The following OR12D3 variants were observed in gnomAD, a reference collection of about 807,000 sequenced individuals.
OR12D3 encodes olfactory receptor 12D3.
For synonymous variants in OR12D3, 142 were observed against 138.8 expected, an observed-to-expected ratio of 1.02 and a Z score of -0.16; for missense variants, 333 against 386.4, an observed-to-expected ratio of 0.86 and a Z score of 1.16.
At position 29,374,765 on chromosome 6, in the gene OR12D3, A is replaced by T. The variant is rs183625914; in HGVS notation, c.523T>A (p.Phe175Ile). ...SFCGSQKLNH[F>I]FYDVKPLLEL... ...AAGAGCGGCTTGACATCGTAGAAGAAGTGATTGAGTTTCTGAGAGCCACAA... is the reference window on the plus strand; with the variant it reads ...AAGAGCGGCTTGACATCGTAGAAGATGTGATTGAGTTTCTGAGAGCCACAA... Residue 175 changes from phenylalanine (F) to isoleucine (I), a missense_variant, in exon 1 of 1, where the codon TTC (phenylalanine) becomes ATC (isoleucine). Physicochemically the swap from Phe to Ile is conservative, Grantham distance 21. Coordinates refer to ENST00000396806, the MANE Select transcript of OR12D3 (RefSeq NM_030959.3). 9 of 1,613,270 alleles carry T rather than the reference A, an allele frequency of 5.6e-6. No homozygotes were observed. Among genetic ancestry groups the T allele is most frequent in the Non-Finnish European group, 7.6e-6 (9 of 1,180,030 alleles).
chr6:29,374,584 T>C lies in OR12D3; in HGVS notation c.704A>G (p.Lys235Arg). 6.2e-7 allele frequency: 1 copy of C among 1,613,014 alleles called. No homozygotes were observed. The highest frequency in any genetic ancestry group is 8.5e-7 in the Non-Finnish European group (1 of 1,180,024). ...FKNRSCRILH[K>R]ALSTCASHFM... ...ATGGGAGGCACAAGTGGACAGAGCC[T>C]TGTGGAGTATTCTGCAGGACCTGTT... Residue 235 changes from lysine to arginine, a missense_variant, in exon 1 of 1, where the codon AAG becomes AGG. By Grantham distance (26) the Lys-to-Arg change is conservative. Transcript: ENST00000396806.
In OR12D3 at chr6:29,374,950, A is replaced by C. The variant is rs967420738; in HGVS notation, c.338T>G (p.Leu113Arg). Reference protein sequence around the residue: ...HFLGSTEAILLAIMAFDRFVA... With the variant: ...HFLGSTEAILRAIMAFDRFVA... ...AAAACGGTCAAAGGCCATGATAGCC[A>C]GTAAAATGGCCTCTGTGCTTCCCAA... The change falls in exon 1 of 1, where the codon CTG becomes CGG. Residue 113 changes from leucine to arginine, a missense_variant. Coordinates refer to ENST00000396806, the MANE Select transcript of OR12D3 (RefSeq NM_030959.3). 3.7e-6 allele frequency: 6 copies of C among 1,613,894 alleles called. No individual in the cohort carries two copies. Among genetic ancestry groups the C allele is most frequent in the Middle Eastern group, 1.6e-4 (1 of 6,084 alleles).
rs1194627235 is a variant in OR12D3 at position 29,375,116 on chromosome 6, A to G, written c.172T>C (p.Tyr58His). 3 of 1,613,004 alleles carry G rather than the reference A, an allele frequency of 1.9e-6. No homozygotes were observed. The Admixed American group carries it at 5.0e-5, about 27-fold the overall frequency. The change falls in exon 1 of 1, where the codon TAT becomes CAT. Residue 58 changes from tyrosine (Y) to histidine (H), a missense_variant. Transcript: ENST00000396806. ...VLEPQLHSPMYFFLGNLSCLD... is the reference protein window; with the variant it reads ...VLEPQLHSPMHFFLGNLSCLD... ...CAAGAAAGGTTTCCCAGAAAAAAAT[A>G]CATAGGGGAGTGGAGTTGTGGTTCC...
Position 29,374,461 on chromosome 6 carries a change from A to C in OR12D3, c.827T>G (p.Met276Arg), listed in dbSNP as rs150773982. 6.2e-7 allele frequency: 1 copy of C among 1,613,040 alleles called. No individual in the cohort carries two copies. Among genetic ancestry groups the C allele is most frequent in the Admixed American group, 1.7e-5 (1 of 60,010 alleles). The part of the protein sequence containing the change: ...SMIQDRIMAI[M>R]YSAVTPVLNP... ...CAGTACAGGGGTGACGGCGCTATAC[A>C]TGATGGCCATTATCCGGTCCTGAAT... Residue 276 changes from methionine (M) to arginine (R), a missense_variant, in exon 1 of 1, where the codon ATG becomes AGG. Transcript: ENST00000396806.
chr6:29,374,401 A>C lies in OR12D3; in HGVS notation c.887T>G (p.Val296Gly), dbSNP rs763272311. The C allele has an allele frequency of 1.1e-5, 17 of 1,612,804 alleles. No individual in the cohort carries two copies. Among genetic ancestry groups the C allele is most frequent in the Non-Finnish European group, 1.3e-5 (15 of 1,180,008 alleles). Residue 296 changes from valine (V) to glycine (G), a missense_variant, in exon 1 of 1, where the codon GTG becomes GGG. Transcript: ENST00000396806. Reference sequence around the variant, plus strand: ...AAAGATTTTCTTCAGAGCCATCATCACTTCTTTGTTCCTAAGGGTGTAGAT... The same window carrying C: ...AAAGATTTTCTTCAGAGCCATCATCCCTTCTTTGTTCCTAAGGGTGTAGAT... Reference protein sequence around the residue: ...PLIYTLRNKEVMMALKKIFGR... With the variant: ...PLIYTLRNKEGMMALKKIFGR...
chr6:29,374,623 A>C lies in OR12D3; in HGVS notation c.665T>G (p.Phe222Cys). 1 of 1,613,028 alleles carries C rather than the reference A, an allele frequency of 6.2e-7. No homozygotes were observed. The highest frequency in any genetic ancestry group is 1.1e-5 in the South Asian group (1 of 91,032). The change falls in exon 1 of 1, where the codon TTC becomes TGC. Residue 222 changes from phenylalanine (F) to cysteine (C), a missense_variant. Phe to Cys is a radical substitution (Grantham distance 205). Transcript: ENST00000396806. ...GCAGGACCTGTTCTTAAACAGAAGGAAGCCAATTACATAGAAGCAGGAGAG... is the reference window on the plus strand; with the variant it reads ...GCAGGACCTGTTCTTAAACAGAAGGCAGCCAATTACATAGAAGCAGGAGAG... The part of the protein sequence containing the change: ...TLLSCFYVIG[F>C]LLFKNRSCRI...
In OR12D3 at chr6:29,374,844, G is replaced by A. The variant is rs766914423; in HGVS notation, c.444C>T (p.Leu148=). Residue 148 remains leucine (L), a synonymous_variant, in exon 1 of 1, where the codon CTC becomes CTT. Transcript: ENST00000396806. Reference sequence around the variant, plus strand: ...GCATCAGAGCGTAAAAGAAGCTGATGAGCCAGGCCGCAGCTGCCAACAGAA... The same window carrying A: ...GCATCAGAGCGTAAAAGAAGCTGATAAGCCAGGCCGCAGCTGCCAACAGAA... ...VCILLAAAAW[L]ISFFYALMHS... is the part of the protein sequence containing the mutation. The A allele has an allele frequency of 8.9e-5, 143 of 1,612,908 alleles. No homozygotes were observed. The highest frequency in any genetic ancestry group is 1.1e-4 in the Non-Finnish European group (131 of 1,180,026).
rs1420692611 is a variant in OR12D3 at position 29,375,267 on chromosome 6, C to T, written c.21G>A (p.Met7Ile). ...TCAGGCCAAGTAGAAGAAACTCATT[C>T]ATTGTAGTGACATTCTCCATTGCTC... Reference protein sequence around the residue: MENVTTMNEFLLLGLTG... With the variant: MENVTTINEFLLLGLTG... The change falls in exon 1 of 1, where the codon ATG (methionine) becomes ATA (isoleucine). Residue 7 changes from methionine to isoleucine, a missense_variant. By Grantham distance (10) the Met-to-Ile change is conservative. Coordinates refer to ENST00000396806, the MANE Select transcript of OR12D3 (RefSeq NM_030959.3). 4.4e-6 allele frequency: 7 copies of T among 1,580,428 alleles called. No individual in the cohort carries two copies. The highest frequency in any genetic ancestry group is 5.1e-6 in the Non-Finnish European group (6 of 1,169,494).
chr6:29,374,702 G>T lies in OR12D3; in HGVS notation c.586C>A (p.Leu196Ile), dbSNP rs767729010. ...ACSDTLLNQW[L>I]LSIVTGSISM... ...ATGCTGCCTGTGACAATGGAAAGAA[G>T]CCATTGATTGAGTAATGTGTCACTA... The change falls in exon 1 of 1, where the codon CTT becomes ATT. Residue 196 changes from leucine (L) to isoleucine (I), a missense_variant. Physicochemically the swap from Leu to Ile is conservative, Grantham distance 5. Transcript: ENST00000396806. The T allele has an allele frequency of 6.2e-7, 1 of 1,612,882 alleles. No individual in the cohort carries two copies. Among genetic ancestry groups the T allele is most frequent in the African/African-American group, 1.3e-5 (1 of 74,922 alleles).
Position 29,374,748 on chromosome 6 carries a change from C to A in OR12D3, c.540G>T (p.Lys180Asn). ...QKLNHFFYDV[K>N]PLLELACSDT... is the part of the protein sequence containing the mutation. ...CACTACAGGCCAATTCTAAGAGCGG[C>A]TTGACATCGTAGAAGAAGTGATTGA... is the stretch of plus-strand genomic sequence containing the variant. Residue 180 changes from lysine to asparagine, a missense_variant, in exon 1 of 1, where the codon AAG (lysine) becomes AAT (asparagine). By Grantham distance (94) the Lys-to-Asn change is moderately conservative (BLOSUM62 0). Coordinates refer to ENST00000396806, the MANE Select transcript of OR12D3 (RefSeq NM_030959.3). 7 of 1,613,110 alleles carry A rather than the reference C, an allele frequency of 4.3e-6. No homozygotes were observed. The highest frequency in any genetic ancestry group is 5.9e-6 in the Non-Finnish European group (7 of 1,180,010).
Position 29,375,249 on chromosome 6 carries a change from A to T in OR12D3, c.39T>A (p.Leu13=). Residue 13 remains leucine, a synonymous_variant, in exon 1 of 1, where the codon CTT becomes CTA. Coordinates refer to ENST00000396806, the MANE Select transcript of OR12D3 (RefSeq NM_030959.3). ...NVTTMNEFLL[L]GLTGVQELQP... is the part of the protein sequence containing the mutation. Reference sequence around the variant, plus strand: ...GCAGCTCCTGAACACCAGTCAGGCCAAGTAGAAGAAACTCATTCATTGTAG... The same window carrying T: ...GCAGCTCCTGAACACCAGTCAGGCCTAGTAGAAGAAACTCATTCATTGTAG... 6.3e-7 allele frequency: 1 copy of T among 1,595,478 alleles called. No homozygotes were observed. Among genetic ancestry groups the T allele is most frequent in the Non-Finnish European group, 8.5e-7 (1 of 1,174,748 alleles).
chr6:29,373,999 G>A lies in OR12D3; in HGVS notation c.*338C>T, dbSNP rs1779266685. The A allele has an allele frequency of 4.9e-6, 2 of 404,792 alleles. No individual in the cohort carries two copies. Among genetic ancestry groups the A allele is most frequent in the Non-Finnish European group, 8.7e-6 (2 of 229,844 alleles). 25.1% of individuals were successfully genotyped at this position (404,792 alleles called of 1,614,324 possible). On this transcript the variant is annotated 3_prime_UTR_variant, in exon 1 of 1. Coordinates refer to ENST00000396806, the MANE Select transcript of OR12D3 (RefSeq NM_030959.3). ...TACTTGGAAAATTCCAAAGGTTTTT[G>A]TCCTAGGAGAAATGCCACATTCTTT...
At position 29,374,595 on chromosome 6, in the gene OR12D3, T is replaced by A. The variant is rs1779316122; in HGVS notation, c.693A>T (p.Arg231Ser). ...AAGTGGACAGAGCCTTGTGGAGTAT[T>A]CTGCAGGACCTGTTCTTAAACAGAA... ...GFLLFKNRSC[R>S]ILHKALSTCA... The change falls in exon 1 of 1, where the codon AGA becomes AGT. Residue 231 changes from arginine to serine, a missense_variant. Arg to Ser is a moderately radical substitution (Grantham distance 110, BLOSUM62 -1). Coordinates refer to ENST00000396806, the MANE Select transcript of OR12D3 (RefSeq NM_030959.3). The A allele has an allele frequency of 3.1e-6, 5 of 1,613,028 alleles. No homozygotes were observed. The Admixed American group carries it at 6.7e-5, about 22-fold the overall frequency.
rs779789483 is a variant in OR12D3 at position 29,374,961 on chromosome 6, C to T, written c.327G>A (p.Glu109=). ...LHFFHFLGST[E]AILLAIMAFD... ...AGGCCATGATAGCCAGTAAAATGGCCTCTGTGCTTCCCAAAAAGTGGAAGA... is the reference window on the plus strand; with the variant it reads ...AGGCCATGATAGCCAGTAAAATGGCTTCTGTGCTTCCCAAAAAGTGGAAGA... The change falls in exon 1 of 1, where the codon GAG becomes GAA. Residue 109 remains glutamate, a synonymous_variant. Transcript: ENST00000396806. 5.6e-6 allele frequency: 9 copies of T among 1,613,794 alleles called. No homozygotes were observed. Among genetic ancestry groups the T allele is most frequent in the Non-Finnish European group, 7.6e-6 (9 of 1,180,036 alleles).
chr6:29,374,745 C>T lies in OR12D3; in HGVS notation c.543G>A (p.Pro181=), dbSNP rs140727609. The T allele has an allele frequency of 4.0e-5, 65 of 1,613,076 alleles. No homozygotes were observed. The highest frequency in any genetic ancestry group is 4.7e-5 in the Non-Finnish European group (55 of 1,180,018). ...TGTCACTACAGGCCAATTCTAAGAG[C>T]GGCTTGACATCGTAGAAGAAGTGAT... is the stretch of plus-strand genomic sequence containing the variant. ...KLNHFFYDVK[P]LLELACSDTL... Residue 181 remains proline, a synonymous_variant, in exon 1 of 1, where the codon CCG becomes CCA. Coordinates refer to ENST00000396806, the MANE Select transcript of OR12D3 (RefSeq NM_030959.3).
chr6:29,374,409 G>C lies in OR12D3; in HGVS notation c.879C>G (p.Asn293Lys). The C allele has an allele frequency of 1.2e-6, 2 of 1,612,950 alleles. No individual in the cohort carries two copies. The highest frequency in any genetic ancestry group is 1.7e-6 in the Non-Finnish European group (2 of 1,179,996). The change falls in exon 1 of 1, where the codon AAC (asparagine) becomes AAG (lysine). Residue 293 changes from asparagine to lysine, a missense_variant. By Grantham distance (94) the Asn-to-Lys change is moderately conservative. Transcript: ENST00000396806. ...VLNPLIYTLR[N>K]KEVMMALKKI... ...TCTTCAGAGCCATCATCACTTCTTT[G>C]TTCCTAAGGGTGTAGATTAGTGGAT...
rs1183490639 is a variant in OR12D3 at position 29,374,495 on chromosome 6, T to C, written c.793A>G (p.Thr265Ala). Residue 265 changes from threonine to alanine, a missense_variant, in exon 1 of 1, where the codon ACC becomes GCC. Thr to Ala is a moderately conservative substitution (Grantham distance 58). Coordinates refer to ENST00000396806, the MANE Select transcript of OR12D3 (RefSeq NM_030959.3). ...GFTYIRPASA[T>A]SMIQDRIMAI... ...ATTATCCGGTCCTGAATCATGGAGG[T>C]GGCTGAAGCAGGACGAATATATGTG... The C allele has an allele frequency of 1.2e-6, 2 of 1,612,850 alleles. No homozygotes were observed. Among genetic ancestry groups the C allele is most frequent in the South Asian group, 2.2e-5 (2 of 91,066 alleles).
Position 29,375,092 on chromosome 6 carries a change from A to G in OR12D3, c.196T>C (p.Cys66Arg). Residue 66 changes from cysteine to arginine, a missense_variant, in exon 1 of 1, where the codon TGT becomes CGT. Physicochemically the swap from Cys to Arg is radical, Grantham distance 180 (BLOSUM62 -3). Coordinates refer to ENST00000396806, the MANE Select transcript of OR12D3 (RefSeq NM_030959.3). Reference sequence around the variant, plus strand: ...ACTGAAGAATAAGAAATATCCAGACAAGAAAGGTTTCCCAGAAAAAAATAC... The same window carrying G: ...ACTGAAGAATAAGAAATATCCAGACGAGAAAGGTTTCCCAGAAAAAAATAC... ...PMYFFLGNLS[C>R]LDISYSSVTL... 2 of 1,612,940 alleles carry G rather than the reference A, an allele frequency of 1.2e-6. No individual in the cohort carries two copies. The highest frequency in any genetic ancestry group is 2.2e-5 in the East Asian group (1 of 44,886).
In OR12D3 at chr6:29,374,291, G is replaced by A; in HGVS notation, c.*46C>T. Reference sequence around the variant, plus strand: ...TAAACAAATCATTTCTTACAGTGAAGTGATGGAAATCAGTCTTAATAGAAA... The same window carrying A: ...TAAACAAATCATTTCTTACAGTGAAATGATGGAAATCAGTCTTAATAGAAA... On this transcript the variant is annotated 3_prime_UTR_variant, in exon 1 of 1. Transcript: ENST00000396806. 7.2e-7 allele frequency: 1 copy of A among 1,386,324 alleles called. No homozygotes were observed. Among genetic ancestry groups the A allele is most frequent in the Non-Finnish European group, 9.9e-7 (1 of 1,009,874 alleles). The allele number at this position is 1,386,324 out of a possible 1,614,324, so 85.9% of individuals were successfully genotyped here.
Sources: gnomAD v4.1 joint callset for allele counts on GRCh38, gnomAD v4.1.1 for gene constraint, MANE v1.5 for transcripts, NCBI Gene and HGNC (gene_info 2026-07-23, HGNC 2026-07-21) for gene names.